Variants in NBAS observed in about 807,000 individuals in gnomAD.
NBAS encodes the protein NBAS subunit of NRZ tethering complex, also known as NAG/BC035112 fusion.
NBAS carries 219 observed loss-of-function variants against 302.5 expected under a neutral mutation model. The observed-to-expected ratio is 0.72, with a 90% CI of 0.65 to 0.81. The LOEUF is 0.81. Among genes scored for constraint, NBAS ranks in the 30% least tolerant of loss-of-function variants. The pLI, the probability that NBAS is intolerant of heterozygous loss-of-function variation, is 0.00. For synonymous variants in NBAS, 1,118 were observed against 1,021.6 expected, an observed-to-expected ratio of 1.09 and a Z score of -1.80; for missense variants, 2,932 against 2,841.6, an observed-to-expected ratio of 1.03 and a Z score of -0.72.
the NBAS span, among the ~76,000 whole-genome samples, chr2:14,792,958 G>T: frequency 6.6e-6 from 1 of 152,074 alleles, no homozygotes; most frequent in African/African-American, 2.4e-5. Context: ...CTTTATAGAA[G>T]TAATTAAGGT....
At chr2:14,910,758 A>G in the NBAS span, among the ~76,000 whole-genome samples, 2 of 152,206 alleles carry the variant, frequency 1.3e-5, no homozygotes, top group African/African-American at 4.8e-5. Context: ...GATTTTCCCC[A>G]CATTTTTAAA....
chr2:15,146,062 C>T, the NBAS span, among the ~76,000 whole-genome samples: 1 of 152,068 alleles, frequency 6.6e-6, no homozygotes. Context: ...AACATCTTTG[C>T]CACCTTGGAA....
At chr2:15,325,984 C>G (rs1672046549) in intron 38 of NBAS, among the ~76,000 whole-genome samples, 3 of 151,930 alleles carry the variant, frequency 2.0e-5, no homozygotes, top group Admixed American at 1.3e-4. Context: ...ACAGAGAGAC[C>G]CAAGAAGAAG....
At chr2:15,168,783 C>A (rs183278127) in intron 51 of NBAS, among the ~76,000 whole-genome samples, 1 of 152,346 alleles carries the variant, frequency 6.6e-6, no homozygotes, top group African/African-American at 2.4e-5. Context: ...GTGCATGGCA[C>A]CACGCCTGGC....
At chr2:15,550,033 G>A (rs1664303093) in intron 6 of NBAS, among the ~76,000 whole-genome samples, 1 of 151,940 alleles carries the variant, frequency 6.6e-6, no homozygotes, top group Non-Finnish European at 1.5e-5. Flanking sequence ...GCATGCTGGT[G>A]CATGCCTGTG....
the NBAS span, among the ~76,000 whole-genome samples, chr2:14,971,471 C>A: frequency 5.3e-5 from 8 of 152,046 alleles, no homozygotes; most frequent in African/African-American, 1.9e-4. Flanking sequence ...GCCAAGATTG[C>A]GCCACTGCAC....
At chr2:15,378,604 G>C (rs898431181) in intron 30 of NBAS, among the ~76,000 whole-genome samples, 6 of 152,144 alleles carry the variant, frequency 3.9e-5, no homozygotes, top group Non-Finnish European at 7.3e-5. Flanking sequence ...ACTTCCATTA[G>C]CCTACAGTTT....
the NBAS span, among the ~76,000 whole-genome samples, chr2:14,841,296 C>T: frequency 6.6e-6 from 1 of 151,284 alleles, no homozygotes; most frequent in East Asian, 1.9e-4. Context: ...AACCAGAAAA[C>T]AAGAATCAAA....
chr2:14,825,984 T>A, the NBAS span, among the ~76,000 whole-genome samples: 3 of 152,330 alleles, frequency 2.0e-5, no homozygotes, highest in African/African-American at 7.2e-5. Context: ...ACAGACTTTT[T>A]AATCCAATAG....
At chr2:15,183,365 G>A (rs1047581244) in intron 50 of NBAS, among the ~76,000 whole-genome samples, 2 of 152,112 alleles carry the variant, frequency 1.3e-5, no homozygotes, top group South Asian at 2.1e-4. Context: ...GGAAAGTCAC[G>A]GTGACAACAG....
chr2:15,182,390 C>T (rs941402572), intron 50 of NBAS, among the ~76,000 whole-genome samples: 2 of 152,220 alleles, frequency 1.3e-5, no homozygotes, highest in East Asian at 3.8e-4. Flanking sequence ...GGTTAAATAA[C>T]TTGAGTGTTA....
chr2:15,464,927 T>A (rs1679658111), intron 19 of NBAS, among the ~76,000 whole-genome samples: 1 of 152,242 alleles, frequency 6.6e-6, no homozygotes, highest in Admixed American at 6.5e-5. Context: ...CATGGCACAC[T>A]GATTATCAGC....
the NBAS span, among the ~76,000 whole-genome samples, chr2:14,909,366 T>TAAA: frequency 4.7e-4 from 37 of 78,566 alleles, 1 homozygote; most frequent in African/African-American, 1.0e-3. Context: ...GGAGAGTTTC[T>TAAA]AAAAAAAAAA....
chr2:14,968,069 A>G, the NBAS span, among the ~76,000 whole-genome samples: 681 of 152,258 alleles, frequency 4.5e-3, 9 homozygotes, highest in African/African-American at 0.016. Context: ...CCATTCTTGT[A>G]CTTACTTGAA....
intron 42 of NBAS, among the ~76,000 whole-genome samples, chr2:15,281,831 T>C (rs952807837): frequency 6.6e-6 from 1 of 152,196 alleles, no homozygotes; most frequent in Non-Finnish European, 1.5e-5. Context: ...TCTGACTATT[T>C]GGAGAAAAAC....
In NBAS at chr2:15,277,086, T is replaced by C. The variant is rs1485167903; in HGVS notation, c.5154A>G (p.Glu1718=). 1 of 1,613,778 alleles carries C rather than the reference T, an allele frequency of 6.2e-7. No homozygotes were observed. The highest frequency in any genetic ancestry group is 1.7e-5 in the Admixed American group (1 of 59,966). The change falls in exon 43 of 52, where the codon GAA becomes GAG. Residue 1718 remains glutamate, a synonymous_variant. Coordinates refer to ENST00000281513, the MANE Select transcript of NBAS (RefSeq NM_015909.4). ...GAAGGTCTTGGGCTCTATTTTCAAT[T>C]TCTAGTGTGGACAAACTGAAATTAA... is the stretch of plus-strand genomic sequence containing the variant. ...LFTDSGLSTL[E]IENRAQDLHL...
At chr2:14,988,080 G>T in the NBAS span, among the ~76,000 whole-genome samples, 1 of 152,134 alleles carries the variant, frequency 6.6e-6, no homozygotes, top group Non-Finnish European at 1.5e-5. Context: ...GTGTGAGCCA[G>T]CAGTGTTGGT....
At chr2:15,212,594 C>T (rs1666464043) in intron 48 of NBAS, among the ~76,000 whole-genome samples, 1 of 152,114 alleles carries the variant, frequency 6.6e-6, no homozygotes, top group Admixed American at 6.5e-5. Flanking sequence ...GGCTGTGTCC[C>T]CACCCAAATC....
the NBAS span, among the ~76,000 whole-genome samples, chr2:15,009,301 A>G: frequency 6.6e-6 from 1 of 152,242 alleles, no homozygotes; most frequent in East Asian, 1.9e-4. Flanking sequence ...TCACTCATAC[A>G]CTGACAAATA....
Sources: allele counts gnomAD v4.1 joint callset (sites outside exome capture counted in the v4.1 genomes callset), GRCh38; gene constraint gnomAD v4.1.1; transcripts MANE v1.5; gene names NCBI Gene and HGNC (gene_info 2026-07-23, HGNC 2026-07-21).